The following PACRGL variants were observed in gnomAD, a reference collection of about 807,000 sequenced individuals.
The protein encoded by PACRGL is PACRG-like protein.
PACRGL carries 38 observed loss-of-function variants against 34.5 expected under a neutral mutation model. That is an observed-to-expected ratio of 1.10 (90% CI 0.85 to 1.44). The LOEUF (loss-of-function observed/expected upper bound fraction) is 1.44, where lower values mean the gene tolerates loss of function less well. PACRGL is among the 40% of genes most tolerant of loss of function. The pLI is 0.00. For synonymous variants in PACRGL, 128 were observed against 100.1 expected, an observed-to-expected ratio of 1.28 and a Z score of -1.66; for missense variants, 305 against 281.4, an observed-to-expected ratio of 1.08 and a Z score of -0.60.
At chr4:20,743,886 A>T (rs1234270018) in intron 8 of PACRGL, among the ~76,000 whole-genome samples, 1 of 152,118 alleles carries the variant, frequency 6.6e-6, no homozygotes, top group Admixed American at 6.6e-5. Flanking sequence ...CAAAGGGCTA[A>T]TATCCAGAAT....
In PACRGL at chr4:20,729,469, A is replaced by ATTTTTAAATGTTT. The variant is rs1553881552; in HGVS notation, c.*2128_*2129insTTTTTAAATGTTT. The stretch of plus-strand genomic sequence containing the variant: ...AGGCATATGCTGATATCTGATAATA[A>ATTTTTAAATGTTT]ACTAATTTTTAAATGTTTAATAATT... On this transcript the variant is annotated 3_prime_UTR_variant, in exon 9 of 9. Coordinates refer to ENST00000503585, the MANE Select transcript of PACRGL (RefSeq NM_001258345.3). 8,793 of 129,886 alleles carry ATTTTTAAATGTTT rather than the reference A, an allele frequency of 0.068. 299 individuals carry two copies. The highest frequency in any genetic ancestry group is 0.11 in the Admixed American group (1,417 of 13,268). 8.0% of individuals were successfully genotyped at this position (129,886 alleles called of 1,614,324 possible). A position where few individuals can be genotyped will look rare whatever the true frequency, so the allele number is the denominator to read the frequency against.
chr4:20,701,237 C>T (rs1732028620), intron 1 of PACRGL, among the ~76,000 whole-genome samples: 1 of 152,142 alleles, frequency 6.6e-6, no homozygotes, highest in Non-Finnish European at 1.5e-5. Flanking sequence ...TAGGCTATAT[C>T]AGCTGCCCAA....
chr4:20,731,452 A>AC lies in PACRGL; in HGVS notation c.*4112dup, dbSNP rs1748178659. On this transcript the variant is annotated 3_prime_UTR_variant, in exon 9 of 9. Coordinates refer to ENST00000503585, the MANE Select transcript of PACRGL (RefSeq NM_001258345.3). ...TAAGCTAACACTGGTTTCTTTGATAACAGGCTACTACCTGGAGTTCTCTTC... is the reference window on the plus strand; with the variant it reads ...TAAGCTAACACTGGTTTCTTTGATAACCAGGCTACTACCTGGAGTTCTCTTC... The AC allele has an allele frequency of 1.0e-6, 1 of 985,238 alleles. No individual in the cohort carries two copies. Among genetic ancestry groups the AC allele is most frequent in the African/African-American group, 1.7e-5 (1 of 57,246 alleles). 61.0% of individuals were successfully genotyped at this position (985,238 alleles called of 1,614,324 possible). A position where few individuals can be genotyped will look rare whatever the true frequency, so the allele number is the denominator to read the frequency against.
At chr4:20,741,247 C>A (rs184397034) in intron 8 of PACRGL, among the ~76,000 whole-genome samples, 1 of 152,174 alleles carries the variant, frequency 6.6e-6, no homozygotes, top group Non-Finnish European at 1.5e-5. Context: ...GAACTCTCCA[C>A]CCCAAATCAA....
At chr4:20,742,800 G>C (rs1303324336) in intron 8 of PACRGL, among the ~76,000 whole-genome samples, 1 of 152,094 alleles carries the variant, frequency 6.6e-6, no homozygotes, top group African/African-American at 2.4e-5. Flanking sequence ...TGACATGATT[G>C]TATATTTAGA....
the PACRGL span, among the ~76,000 whole-genome samples, chr4:20,764,179 G>A: frequency 6.6e-6 from 1 of 151,872 alleles, no homozygotes; most frequent in Non-Finnish European, 1.5e-5. Flanking sequence ...ATGAAAATAT[G>A]CCCTCTATAG....
At chr4:20,733,265 T>A (rs560335995), downstream of PACRGL, among the ~76,000 whole-genome samples, 4 of 152,228 alleles carry the variant, frequency 2.6e-5, no homozygotes, top group African/African-American at 9.6e-5. Context: ...GTATTTTTCC[T>A]ACTGTGGCTT....
chr4:20,722,370 C>T (rs527614747), intron 7 of PACRGL, among the ~76,000 whole-genome samples: 35 of 152,188 alleles, frequency 2.3e-4, no homozygotes, highest in Admixed American at 3.9e-4. Context: ...GAGATGAACC[C>T]GGTACCTCAG....
Position 20,727,496 on chromosome 4 carries a change from CA to C in PACRGL, c.*161del. The C allele has an allele frequency of 1.8e-6, 1 of 552,824 alleles. No individual in the cohort carries two copies. Among genetic ancestry groups the C allele is most frequent in the Non-Finnish European group, 3.2e-6 (1 of 314,770 alleles). The allele number at this position is 552,824 out of a possible 1,614,324, so 34.2% of individuals were successfully genotyped here. On this transcript the variant is annotated 3_prime_UTR_variant, in exon 9 of 9. Coordinates refer to ENST00000503585, the MANE Select transcript of PACRGL (RefSeq NM_001258345.3). ...ACACTGAATCAAAGTTATTCATCAA[CA>C]AAAAAGAACAGTTACTAATGGAAAG...
chr4:20,756,178 A>AAG (rs1264838073), downstream of PACRGL, among the ~76,000 whole-genome samples: 6 of 152,126 alleles, frequency 3.9e-5, no homozygotes, highest in Admixed American at 6.5e-5. Context: ...GTAGTAAAAA[A>AAG]AAAAAAAGTG....
chr4:20,732,604 A>G, downstream of PACRGL: 2 of 868,812 alleles, frequency 2.3e-6, no homozygotes, highest in Non-Finnish European at 3.9e-6. Context: ...TCTCTTTTGA[A>G]TCATCGTGGT....
chr4:20,756,161 G>C (rs2149353767), downstream of PACRGL, among the ~76,000 whole-genome samples: 1 of 149,086 alleles, frequency 6.7e-6, no homozygotes, highest in South Asian at 2.2e-4. Flanking sequence ...GCTCCTTTAA[G>C]TGGAAAGTAG....
chr4:20,749,189 C>CTGTAGATACAA (rs113598837), intron 8 of PACRGL, among the ~76,000 whole-genome samples: 24,948 of 150,680 alleles, frequency 0.17, 2,154 homozygotes, highest in Middle Eastern at 0.24. Flanking sequence ...CTCTACAGAT[C>CTGTAGATACAA]ACTTAAAGTT....
chr4:20,756,819 TTC>T (rs1260909870), downstream of PACRGL, among the ~76,000 whole-genome samples: 1 of 152,128 alleles, frequency 6.6e-6, no homozygotes, highest in Non-Finnish European at 1.5e-5. Flanking sequence ...AAACTGTTCA[TTC>T]TCTGTCTCCT....
At chr4:20,700,823 G>GT (rs1203961221) in intron 1 of PACRGL, 36 bp downstream of exon 1, 2 of 152,308 alleles carry the variant, frequency 1.3e-5, no homozygotes, top group African/African-American at 2.4e-5. Flanking sequence ...AAAAATCTCT[G>GT]TTTTTTCTTT....
intron 1 of PACRGL, chr4:20,702,574 A>T (rs1242652699): frequency 6.3e-6 from 1 of 159,106 alleles, no homozygotes; most frequent in East Asian, 1.8e-4. Flanking sequence ...ACTAGTCTTC[A>T]TCAACACTTA....
chr4:20,743,342 A>C (rs1751626508), intron 8 of PACRGL, among the ~76,000 whole-genome samples: 1 of 152,224 alleles, frequency 6.6e-6, no homozygotes, highest in Non-Finnish European at 1.5e-5. Context: ...ACAAAGCTGG[A>C]GACATCATGC....
Position 20,730,205 on chromosome 4 carries a change from T to TA in PACRGL, c.*2864_*2865insA. 9 of 1,490,060 alleles carry TA rather than the reference T, an allele frequency of 6.0e-6. No individual in the cohort carries two copies. The highest frequency in any genetic ancestry group is 3.6e-6 in the Non-Finnish European group (4 of 1,115,694). The allele number at this position is 1,490,060 out of a possible 1,614,324, so 92.3% of individuals were successfully genotyped here. On this transcript the variant is annotated 3_prime_UTR_variant, in exon 9 of 9. Transcript: ENST00000503585. The stretch of plus-strand genomic sequence containing the variant: ...AGTACACTATTTTGCCCCTGAGTAT[T>TA]GCCTCCTCCCATCAACCACCTCAAC...
chr4:20,743,378 G>A (rs1305159534), intron 8 of PACRGL, among the ~76,000 whole-genome samples: 1 of 152,050 alleles, frequency 6.6e-6, no homozygotes, highest in African/African-American at 2.4e-5. Context: ...TATACTACAA[G>A]GCTACAGTAA....
Sources: allele counts gnomAD v4.1 joint callset (sites outside exome capture counted in the v4.1 genomes callset), GRCh38; gene constraint gnomAD v4.1.1; transcripts MANE v1.5; gene names NCBI Gene and HGNC (gene_info 2026-07-23, HGNC 2026-07-21).